Variants in RASL11B observed in about 807,000 individuals in gnomAD.
RASL11B encodes the protein RAS like family 11 member B.
Under a neutral mutation model 22.9 loss-of-function variants are expected in RASL11B, and 14 were observed. The ratio of observed to expected loss-of-function variants is 0.61; its 90% CI spans 0.40 to 0.96. The LOEUF is 0.96. Among genes scored for constraint, RASL11B ranks in the 40% least tolerant of loss-of-function variants. The pLI is 0.00. For missense variants in RASL11B, 261 were observed against 322.0 expected, an observed-to-expected ratio of 0.81 and a Z score of 1.45; for synonymous variants, 143 against 130.2, an observed-to-expected ratio of 1.10 and a Z score of -0.67.
chr4:52,865,675 A>T lies in RASL11B; in HGVS notation c.617A>T (p.Gln206Leu), dbSNP rs1457937137. ...VLCKEVSHKQ[Q>L]PSSTPEKRRT... ...TGTAAAGAGGTCAGTCACAAACAGCAGCCTAGCAGTACACCCGAGAAGCGA... is the reference window on the plus strand; with the variant it reads ...TGTAAAGAGGTCAGTCACAAACAGCTGCCTAGCAGTACACCCGAGAAGCGA... The change falls in exon 4 of 4, where the codon CAG becomes CTG. Residue 206 changes from glutamine to leucine, a missense_variant. Coordinates refer to ENST00000248706, the MANE Select transcript of RASL11B (RefSeq NM_023940.3). 1.9e-6 allele frequency: 3 copies of T among 1,614,192 alleles called. No homozygotes were observed. In the South Asian group the frequency reaches 3.3e-5, roughly 18 times the overall value.
intron 2 of RASL11B, 65 bp downstream of exon 2, chr4:52,863,389 G>C: frequency 1.5e-6 from 2 of 1,370,744 alleles, no homozygotes; most frequent in Non-Finnish European, 2.1e-6. Context: ...CCATTTTCCA[G>C]CGCTTCCCAG....
Position 52,865,589 on chromosome 4 carries a change from A to G in RASL11B, c.531A>G (p.Ser177=), listed in dbSNP as rs1050210746. Reference sequence around the variant, plus strand: ...AGCTAGCCAGCATGCTAGGCTGCTCATTCTATGAAGTGTCTGTCAGTGAAA... The same window carrying G: ...AGCTAGCCAGCATGCTAGGCTGCTCGTTCTATGAAGTGTCTGTCAGTGAAA... ...GLQLASMLGC[S]FYEVSVSENY... is the part of the protein sequence containing the mutation. Residue 177 remains serine (S), a synonymous_variant, in exon 4 of 4, where the codon TCA becomes TCG. Transcript: ENST00000248706. 6.2e-7 allele frequency: 1 copy of G among 1,614,154 alleles called. No individual in the cohort carries two copies. The highest frequency in any genetic ancestry group is 8.5e-7 in the Non-Finnish European group (1 of 1,180,010).
intron 2 of RASL11B, chr4:52,863,576 T>C (rs1718203006): frequency 2.0e-6 from 1 of 508,882 alleles, no homozygotes. Flanking sequence ...GTTTTAACTA[T>C]AGTGACCCCA....
rs1718251351 is a variant in RASL11B at position 52,865,896 on chromosome 4, C to G, written c.*91C>G. ...GGAACGTTGAATATTGGCAATGATTCCTGGTTCCAGAAAGGGCTGGAGCAG... is the reference window on the plus strand; with the variant it reads ...GGAACGTTGAATATTGGCAATGATTGCTGGTTCCAGAAAGGGCTGGAGCAG... On this transcript the variant is annotated 3_prime_UTR_variant, in exon 4 of 4. Transcript: ENST00000248706. 3.2e-6 allele frequency: 3 copies of G among 949,668 alleles called. No individual in the cohort carries two copies. The highest frequency in any genetic ancestry group is 1.7e-5 in the African/African-American group (1 of 60,498). The allele number at this position is 949,668 out of a possible 1,614,324, so 58.8% of individuals were successfully genotyped here. A position where few individuals can be genotyped will look rare whatever the true frequency, so the allele number is the denominator to read the frequency against.
At chr4:52,862,998 C>T (rs543649340) in intron 1 of RASL11B, among the ~76,000 whole-genome samples, 11 of 152,236 alleles carry the variant, frequency 7.2e-5, no homozygotes, top group Admixed American at 6.5e-4. Context: ...AGACATGGGT[C>T]TACTGGAAGG....
chr4:52,863,376 T>C (rs1718198791), intron 2 of RASL11B, 52 bp downstream of exon 2: 2 of 1,466,562 alleles, frequency 1.4e-6, no homozygotes, highest in Non-Finnish European at 1.9e-6. Context: ...AGGACTGCGG[T>C]TCCCATTTTC....
chr4:52,865,963 T>C lies in RASL11B; in HGVS notation c.*158T>C, dbSNP rs1718252058. On this transcript the variant is annotated 3_prime_UTR_variant, in exon 4 of 4. Coordinates refer to ENST00000248706, the MANE Select transcript of RASL11B (RefSeq NM_023940.3). ...TGTGGAACTGCTACAGAAAAGGAAG[T>C]GTTGTTCTGAGCAGGGGGACAGGAT... The C allele has an allele frequency of 3.2e-6, 2 of 626,424 alleles. No homozygotes were observed. The highest frequency in any genetic ancestry group is 5.5e-5 in the East Asian group (2 of 36,644). The allele number at this position is 626,424 out of a possible 1,614,324, so 38.8% of individuals were successfully genotyped here. A position where few individuals can be genotyped will look rare whatever the true frequency, so the allele number is the denominator to read the frequency against.
chr4:52,863,575 A>G (rs1718202967), intron 2 of RASL11B: 2 of 503,946 alleles, frequency 4.0e-6, no homozygotes, highest in Non-Finnish European at 7.2e-6. Flanking sequence ...TGTTTTAACT[A>G]TAGTGACCCC....
At chr4:52,862,755 C>T (rs1718183762) in intron 1 of RASL11B, 106 bp downstream of exon 1, 4 of 1,313,380 alleles carry the variant, frequency 3.0e-6, no homozygotes, top group Non-Finnish European at 4.0e-6. Flanking sequence ...CGACCGCTCT[C>T]CGTCCCCGCG....
At position 52,865,532 on chromosome 4, in the gene RASL11B, C is replaced by T. The variant is rs1020738291; in HGVS notation, c.474C>T (p.His158=). Residue 158 remains histidine, a synonymous_variant, in exon 4 of 4, where the codon CAC becomes CAT. Coordinates refer to ENST00000248706, the MANE Select transcript of RASL11B (RefSeq NM_023940.3). ...VVVANKADLL[H]IKQVDPQLGL... ...TGGCCAACAAAGCTGACCTGTTGCACATCAAACAGGTTGACCCTCAGCTTG... is the reference window on the plus strand; with the variant it reads ...TGGCCAACAAAGCTGACCTGTTGCATATCAAACAGGTTGACCCTCAGCTTG... The T allele has an allele frequency of 3.0e-5, 48 of 1,614,102 alleles. No individual in the cohort carries two copies. The highest frequency in any genetic ancestry group is 6.7e-5 in the African/African-American group (5 of 74,924).
chr4:52,862,894 T>TCAGAACTTTC lies in RASL11B; in HGVS notation c.142+254_142+255insCCAGAACTTT, dbSNP rs566092566. On this transcript the variant is annotated intron_variant, in intron 1 of 3. Transcript: ENST00000248706. ...CTGGGGACCACCGGCACCGCCGCCATCAGAACTTTGGGGTGTTTGAGCCTC... is the reference window on the plus strand; with the variant it reads ...CTGGGGACCACCGGCACCGCCGCCATCAGAACTTTCCAGAACTTTGGGGTGTTTGAGCCTC... Among the ~76,000 whole-genome samples, 5 of 152,266 alleles carry TCAGAACTTTC rather than the reference T, an allele frequency of 3.3e-5. No homozygotes were observed. In the South Asian group the frequency reaches 1.0e-3, roughly 32 times the overall value.
intron 2 of RASL11B, 30 bp from the exon 3 acceptor site, chr4:52,864,448 G>A: frequency 1.5e-6 from 2 of 1,366,692 alleles, no homozygotes; most frequent in Non-Finnish European, 2.1e-6. Context: ...CAAGAAGGAA[G>A]AACATAATCT....
rs1718252693 is a variant in RASL11B, at chr4:52,865,996, G to A, written c.*191G>A. ...TGAGCAGGGGGACAGGATTGATGAGGCTTGAAAGAGCCCACTGAGCCACTC... is the reference window on the plus strand; with the variant it reads ...TGAGCAGGGGGACAGGATTGATGAGACTTGAAAGAGCCCACTGAGCCACTC... On this transcript the variant is annotated 3_prime_UTR_variant, in exon 4 of 4. Transcript: ENST00000248706. The A allele has an allele frequency of 1.7e-6, 1 of 593,704 alleles. No individual in the cohort carries two copies. Among genetic ancestry groups the A allele is most frequent in the Non-Finnish European group, 3.0e-6 (1 of 335,178 alleles). 36.8% of individuals were successfully genotyped at this position (593,704 alleles called of 1,614,324 possible).
rs781535650 is a variant in RASL11B at position 52,862,659 on chromosome 4, C to G, written c.142+10C>G. On this transcript the variant is annotated intron_variant, in intron 1 of 3. Transcript: ENST00000248706. ...GGCGTGGGCAAGACCGGTGAGTCGT[C>G]GCGCTTAGCCCTGGGTCTGGTCTTG... 50 of 1,557,922 alleles carry G rather than the reference C, an allele frequency of 3.2e-5. No individual in the cohort carries two copies. The highest frequency in any genetic ancestry group is 4.0e-5 in the Non-Finnish European group (46 of 1,161,930).
intron 1 of RASL11B, among the ~76,000 whole-genome samples, chr4:52,863,062 C>T (rs548195942): frequency 3.0e-4 from 46 of 152,214 alleles, no homozygotes; most frequent in East Asian, 1.4e-3. Context: ...GTGAGCCTTC[C>T]AGCTGCACAG....
chr4:52,865,937 C>T lies in RASL11B; in HGVS notation c.*132C>T. 1 of 664,948 alleles carries T rather than the reference C, an allele frequency of 1.5e-6. No individual in the cohort carries two copies. Among genetic ancestry groups the T allele is most frequent in the Non-Finnish European group, 2.5e-6 (1 of 392,602 alleles). The allele number at this position is 664,948 out of a possible 1,614,324, so 41.2% of individuals were successfully genotyped here. A position where few individuals can be genotyped will look rare whatever the true frequency, so the allele number is the denominator to read the frequency against. On this transcript the variant is annotated 3_prime_UTR_variant, in exon 4 of 4. Transcript: ENST00000248706. ...GCTGGAGCAGAAGGGCCAAGAGGGCCTGTGGAACTGCTACAGAAAAGGAAG... is the reference window on the plus strand; with the variant it reads ...GCTGGAGCAGAAGGGCCAAGAGGGCTTGTGGAACTGCTACAGAAAAGGAAG...
Position 52,862,572 on chromosome 4 carries a change from C to T in RASL11B, c.65C>T (p.Ser22Phe), listed in dbSNP as rs1577782154. Residue 22 changes from serine (S) to phenylalanine (F), a missense_variant, in exon 1 of 4, where the codon TCC becomes TTC. Ser to Phe is a radical substitution (Grantham distance 155). Coordinates refer to ENST00000248706, the MANE Select transcript of RASL11B (RefSeq NM_023940.3). ...EYPAPGNAAA[S>F]DCCVGAAGRR... ...CCCGCGCCGGGCAACGCCGCGGCCT[C>T]CGACTGCTGTGTGGGCGCCGCCGGC... The T allele has an allele frequency of 6.2e-7, 1 of 1,604,150 alleles. No individual in the cohort carries two copies. Among genetic ancestry groups the T allele is most frequent in the South Asian group, 1.1e-5 (1 of 90,630 alleles).
At position 52,865,872 on chromosome 4, in the gene RASL11B, G is replaced by C; in HGVS notation, c.*67G>C. ...AGGGCCTGAGGTTCTCCTAGTGCAGGAACGTTGAATATTGGCAATGATTCC... is the reference window on the plus strand; with the variant it reads ...AGGGCCTGAGGTTCTCCTAGTGCAGCAACGTTGAATATTGGCAATGATTCC... On this transcript the variant is annotated 3_prime_UTR_variant, in exon 4 of 4. Coordinates refer to ENST00000248706, the MANE Select transcript of RASL11B (RefSeq NM_023940.3). 8.4e-7 allele frequency: 1 copy of C among 1,192,726 alleles called. No homozygotes were observed. The highest frequency in any genetic ancestry group is 1.2e-6 in the Non-Finnish European group (1 of 833,810). 73.9% of individuals were successfully genotyped at this position (1,192,726 alleles called of 1,614,324 possible).
chr4:52,864,051 C>T, intron 2 of RASL11B: 2 of 163,760 alleles, frequency 1.2e-5, no homozygotes, highest in Admixed American at 6.1e-5. Context: ...ATTTTTATTC[C>T]AACTGATAAC....
Sources: allele counts gnomAD v4.1 joint callset (sites outside exome capture counted in the v4.1 genomes callset), GRCh38; gene constraint gnomAD v4.1.1; transcripts MANE v1.5; gene names NCBI Gene and HGNC (gene_info 2026-07-23, HGNC 2026-07-21).